The following SPAG17 variants were observed in gnomAD, a reference collection of about 807,000 sequenced individuals.
SPAG17 encodes sperm-associated antigen 17.
A neutral mutation model predicts 273.6 loss-of-function variants in SPAG17; 169 were observed. The ratio of observed to expected loss-of-function variants is 0.62; its 90% CI spans 0.55 to 0.70. The LOEUF (loss-of-function observed/expected upper bound fraction) is 0.70. Ranked by LOEUF, SPAG17 falls within the 30% of genes least tolerant of loss-of-function variation. The probability of loss-of-function intolerance (pLI) is 0.00; values close to 1 mark genes in which losing one functional copy is unlikely to be tolerated. For synonymous variants in SPAG17, 825 were observed against 873.2 expected (o/e 0.94, Z 0.97); for missense variants, 2,557 against 2,627.8 (o/e 0.97, Z 0.59).
chr1:118,172,116 G>A (rs1366611717), intron 1 of SPAG17, among the ~76,000 whole-genome samples: 1 of 152,126 alleles, frequency 6.6e-6, no homozygotes, highest in African/African-American at 2.4e-5. Flanking sequence ...CCTACACTGA[G>A]AATGAAAATA....
chr1:117,968,820 T>C (rs982352505), intron 46 of SPAG17, among the ~76,000 whole-genome samples: 1 of 152,260 alleles, frequency 6.6e-6, no homozygotes, highest in African/African-American at 2.4e-5. Flanking sequence ...CACAGGCCTA[T>C]GCACTCTTCG....
chr1:118,009,466 G>A (rs1269226508), intron 30 of SPAG17, among the ~76,000 whole-genome samples: 2 of 152,142 alleles, frequency 1.3e-5, no homozygotes, highest in African/African-American at 4.8e-5. Flanking sequence ...GTTCAGAAGA[G>A]TGGAAGGCTT....
In SPAG17 at chr1:118,101,638, G is replaced by A. The variant is rs576816536; in HGVS notation, c.634+102C>T. ...ATGATTGTGGGGGAATTGGCGTCAG[G>A]AAACTATGCGCTCTATGTGAGTCAC... is the stretch of plus-strand genomic sequence containing the variant. On this transcript the variant is annotated intron_variant, in intron 5 of 48. Coordinates refer to ENST00000336338, the MANE Select transcript of SPAG17 (RefSeq NM_206996.4). The A allele has an allele frequency of 3.6e-5, 42 of 1,174,428 alleles. 1 individual carries two copies. In the Admixed American group the frequency reaches 6.0e-4, roughly 17 times the overall value. 72.8% of individuals were successfully genotyped at this position (1,174,428 alleles called of 1,614,324 possible). A position where few individuals can be genotyped will look rare whatever the true frequency, so the allele number is the denominator to read the frequency against.
intron 19 of SPAG17, 68 bp downstream of exon 19, chr1:118,055,665 G>A (rs1289303233): frequency 2.3e-6 from 3 of 1,288,808 alleles, no homozygotes; most frequent in Non-Finnish European, 3.3e-6. Context: ...TCACAGTCTT[G>A]ATTAAATTAA....
At chr1:118,046,985 C>A (rs955258497) in intron 20 of SPAG17, among the ~76,000 whole-genome samples, 2 of 152,168 alleles carry the variant, frequency 1.3e-5, no homozygotes, top group Non-Finnish European at 2.9e-5. Flanking sequence ...ATGGAATCTA[C>A]TCTCCTGCTA....
intron 1 of SPAG17, among the ~76,000 whole-genome samples, chr1:118,161,412 T>A (rs1181938387): frequency 6.6e-6 from 1 of 152,100 alleles, no homozygotes; most frequent in Admixed American, 6.5e-5. Context: ...TCAATCCTAG[T>A]GGGAGGGAAG....
At chr1:118,029,661 G>C (rs1367910341) in intron 25 of SPAG17, among the ~76,000 whole-genome samples, 1 of 151,972 alleles carries the variant, frequency 6.6e-6, no homozygotes, top group South Asian at 2.1e-4. Flanking sequence ...CCCTTGTTTG[G>C]TTATATGTAC....
At chr1:118,004,672 C>G (rs1020692862) in intron 32 of SPAG17, among the ~76,000 whole-genome samples, 1 of 152,228 alleles carries the variant, frequency 6.6e-6, no homozygotes, top group Non-Finnish European at 1.5e-5. Flanking sequence ...ATTGGAAAAG[C>G]ACAGTATTTG....
chr1:118,102,594 T>A (rs1292276765), intron 4 of SPAG17, among the ~76,000 whole-genome samples: 2 of 152,212 alleles, frequency 1.3e-5, no homozygotes, highest in Non-Finnish European at 2.9e-5. Flanking sequence ...GTTGGCAAGA[T>A]GAATTCCTTC....
intron 36 of SPAG17, among the ~76,000 whole-genome samples, chr1:117,991,808 A>T (rs138645685): frequency 2.8e-4 from 43 of 152,320 alleles, no homozygotes; most frequent in African/African-American, 9.1e-4. Flanking sequence ...AAGTGTCCTC[A>T]TCAATAAAAT....
Position 118,115,308 on chromosome 1 carries a change from AC to A in SPAG17, c.447+1del. 1 of 1,613,074 alleles carries A rather than the reference AC, an allele frequency of 6.2e-7. No individual in the cohort carries two copies. Among genetic ancestry groups the A allele is most frequent in the Non-Finnish European group, 8.5e-7 (1 of 1,179,322 alleles). On this transcript the variant is annotated splice_donor_variant, in intron 4 of 48. Coordinates refer to ENST00000336338, the MANE Select transcript of SPAG17 (RefSeq NM_206996.4). LOFTEE classifies it high-confidence loss of function. ...TAGAAAACCCACCAGATCGTACAGTACCTTCTTTTCATTTTCCCGTCGCTGT... is the reference window on the plus strand; with the variant it reads ...TAGAAAACCCACCAGATCGTACAGTACTTCTTTTCATTTTCCCGTCGCTGT...
intron 18 of SPAG17, among the ~76,000 whole-genome samples, chr1:118,064,642 C>T (rs1032376480): frequency 1.4e-5 from 2 of 147,738 alleles, no homozygotes; most frequent in East Asian, 2.0e-4. Flanking sequence ...TGCTAAATGA[C>T]GAGTTAATGG....
rs145132341 is a variant in SPAG17 at position 117,970,267 on chromosome 1, A to G, written c.6327-151T>C. ...ATTAGAAAAACAACTTTAATATTCA[A>G]TTGGGAGAAGAATCTGGGGCCCATT... On this transcript the variant is annotated intron_variant, in intron 45 of 48. Coordinates refer to ENST00000336338, the MANE Select transcript of SPAG17 (RefSeq NM_206996.4). 21 of 661,036 alleles carry G rather than the reference A, an allele frequency of 3.2e-5. 1 individual carries two copies. The highest frequency in any genetic ancestry group is 3.0e-4 in the African/African-American group (16 of 53,670). The allele number at this position is 661,036 out of a possible 1,614,324, so 40.9% of individuals were successfully genotyped here. A position where few individuals can be genotyped will look rare whatever the true frequency, so the allele number is the denominator to read the frequency against.
At chr1:118,063,882 T>C (rs1016050435) in intron 18 of SPAG17, among the ~76,000 whole-genome samples, 1 of 152,056 alleles carries the variant, frequency 6.6e-6, no homozygotes, top group Non-Finnish European at 1.5e-5. Flanking sequence ...TTAAAACGAA[T>C]TTACAAGAAA....
In SPAG17 at chr1:117,992,631, AGG is replaced by A. The variant is rs1417278031; in HGVS notation, c.5194_5195del (p.Pro1732SerfsTer13). The stretch of plus-strand genomic sequence containing the variant: ...CTTTCCAAATCTGAGTACCAAACGG[AGG>A]TCCTGGAGTTTTTTTCTGTTAACAA... ...FPSVEKKTPG[P>X]PFGTQIWKGL... On this transcript the variant is annotated frameshift_variant, in exon 36 of 49. Coordinates refer to ENST00000336338, the MANE Select transcript of SPAG17 (RefSeq NM_206996.4). LOFTEE classifies it high-confidence loss of function. 1 of 1,592,782 alleles carries A rather than the reference AGG, an allele frequency of 6.3e-7. No individual in the cohort carries two copies. Among genetic ancestry groups the A allele is most frequent in the Non-Finnish European group, 8.5e-7 (1 of 1,173,564 alleles).
chr1:118,165,347 G>C (rs1660112260), intron 1 of SPAG17, among the ~76,000 whole-genome samples: 1 of 152,164 alleles, frequency 6.6e-6, no homozygotes, highest in East Asian at 1.9e-4. Flanking sequence ...GGAGAGAGCT[G>C]TTCTCCTTTC....
rs556758913 is a variant in SPAG17, at chr1:118,073,702, G to C, written c.2385+152C>G. 3 of 500,872 alleles carry C rather than the reference G, an allele frequency of 6.0e-6. No homozygotes were observed. In the African/African-American group the frequency reaches 6.1e-5, roughly 10 times the overall value. The allele number at this position is 500,872 out of a possible 1,614,324, so 31.0% of individuals were successfully genotyped here. ...GAGTCGCTGGGAATGCATAGCTCAA[G>C]CTGGGAGTAAATTTATTTTATAGCT... On this transcript the variant is annotated intron_variant, in intron 17 of 48. Coordinates refer to ENST00000336338, the MANE Select transcript of SPAG17 (RefSeq NM_206996.4).
chr1:118,021,634 C>G (rs1048728753), intron 28 of SPAG17, among the ~76,000 whole-genome samples: 1 of 152,102 alleles, frequency 6.6e-6, no homozygotes, highest in African/African-American at 2.4e-5. Flanking sequence ...AAACTGTGAG[C>G]AGAGTAAACA....
At chr1:118,038,006 G>C (rs888912191) in intron 23 of SPAG17, among the ~76,000 whole-genome samples, 4 of 152,138 alleles carry the variant, frequency 2.6e-5, no homozygotes, top group African/African-American at 9.7e-5. Flanking sequence ...AGAAGACACA[G>C]AGTTGAAGAA....
Sources: allele counts gnomAD v4.1 joint callset (sites outside exome capture counted in the v4.1 genomes callset), GRCh38; gene constraint gnomAD v4.1.1; transcripts MANE v1.5; gene names NCBI Gene and HGNC (gene_info 2026-07-23, HGNC 2026-07-21).